The following ZDHHC18 variants were observed in gnomAD, a reference collection of about 807,000 sequenced individuals.
ZDHHC18 encodes zDHHC palmitoyltransferase 18.
In ZDHHC18, 23 loss-of-function variants were observed where a neutral mutation model predicts 37.5. The observed-to-expected ratio is 0.61, with a 90% CI of 0.44 to 0.87. ZDHHC18 has a LOEUF of 0.87. Ranked by LOEUF, ZDHHC18 falls within the 40% of genes least tolerant of loss-of-function variation. The pLI is 0.00. For missense variants in ZDHHC18, 406 were observed against 525.6 expected (o/e 0.77, Z 2.22); for synonymous variants, 185 against 218.7 (o/e 0.85, Z 1.36).
intron 2 of ZDHHC18, among the ~76,000 whole-genome samples, chr1:26,840,582 C>G (rs1205462662): frequency 6.6e-6 from 1 of 151,560 alleles, no homozygotes; most frequent in African/African-American, 2.4e-5. Context: ...GCTGGGATTA[C>G]AGGCATGCGC....
In ZDHHC18 at chr1:26,841,621, C is replaced by T. The variant is rs537902697; in HGVS notation, c.497-6987C>T. Reference sequence around the variant, plus strand: ...AGCTGGGACTCTGGGGCCTGTGGGACAGGATTAGGGGTTTGGTTTGGAGTA... The same window carrying T: ...AGCTGGGACTCTGGGGCCTGTGGGATAGGATTAGGGGTTTGGTTTGGAGTA... On this transcript the variant is annotated intron_variant, in intron 2 of 7. Coordinates refer to ENST00000374142, the MANE Select transcript of ZDHHC18 (RefSeq NM_032283.3). Among the ~76,000 whole-genome samples the T allele has an allele frequency of 7.9e-5, 12 of 152,236 alleles. No individual in the cohort carries two copies. In the South Asian group the frequency reaches 2.5e-3, roughly 32 times the overall value.
intron 2 of ZDHHC18, among the ~76,000 whole-genome samples, chr1:26,833,344 C>T (rs561292208): frequency 5.9e-5 from 9 of 152,146 alleles, no homozygotes; most frequent in South Asian, 2.1e-4. Context: ...AAAGAAGCAC[C>T]GGCCTGAACA....
At position 26,827,136 on chromosome 1, in the gene ZDHHC18, T is replaced by C; in HGVS notation, c.332T>C (p.Phe111Ser). ...ILTTTGLFFV[F>S]DCPYLARKLT... is the part of the protein sequence containing the mutation. ...ACCACCACCGGCCTCTTCTTCGTCT[T>C]TGAGTGAGTTCCGCTGCCTCGGCGC... The change falls in exon 1 of 8, where the codon TTT (phenylalanine) becomes TCT (serine). Residue 111 changes from phenylalanine to serine, a missense_variant. Transcript: ENST00000374142. 7.1e-7 allele frequency: 1 copy of C among 1,410,544 alleles called. No homozygotes were observed. Among genetic ancestry groups the C allele is most frequent in the Non-Finnish European group, 9.2e-7 (1 of 1,086,820 alleles). 87.4% of individuals were successfully genotyped at this position (1,410,544 alleles called of 1,614,324 possible).
chr1:26,842,165 C>T (rs2081642633), intron 2 of ZDHHC18, among the ~76,000 whole-genome samples: 2 of 150,206 alleles, frequency 1.3e-5, no homozygotes, highest in African/African-American at 4.9e-5. Flanking sequence ...GAGAGAGAGA[C>T]AGGGTCCGCC....
Position 26,826,771 on chromosome 1 carries a change from G to A in ZDHHC18, c.-34G>A, listed in dbSNP as rs2081558529. 37 of 963,454 alleles carry A rather than the reference G, an allele frequency of 3.8e-5. No homozygotes were observed. The highest frequency in any genetic ancestry group is 4.4e-5 in the Non-Finnish European group (36 of 812,248). 59.7% of individuals were successfully genotyped at this position (963,454 alleles called of 1,614,324 possible). On this transcript the variant is annotated 5_prime_UTR_variant, in exon 1 of 8. Transcript: ENST00000374142. The surrounding 1 kb of genome is among the most constrained non-coding windows in gnomAD (Gnocchi z 5.2). ...GGTCCCGGAGTGGCCCGGCCGGCCC[G>A]CGGGGCGCGGAGCCGAGGCCCGCGG... is the stretch of plus-strand genomic sequence containing the variant.
chr1:26,837,495 T>TTTA (rs2081618571), intron 2 of ZDHHC18, among the ~76,000 whole-genome samples: 1 of 140,070 alleles, frequency 7.1e-6, no homozygotes, highest in African/African-American at 2.6e-5. Flanking sequence ...TTATTTATTT[T>TTTA]TTGAGACAGA....
chr1:26,849,838 G>A (rs192856265), intron 3 of ZDHHC18, among the ~76,000 whole-genome samples: 279 of 152,326 alleles, frequency 1.8e-3, no homozygotes, highest in African/African-American at 6.1e-3. Context: ...TCTTTGTGCC[G>A]GCACTGCTCT....
At chr1:26,852,334 G>C (rs1199139191) in intron 6 of ZDHHC18, among the ~76,000 whole-genome samples, 1 of 152,240 alleles carries the variant, frequency 6.6e-6, no homozygotes, top group African/African-American at 2.4e-5. Flanking sequence ...TGTCATCTGA[G>C]AATTAGTATT....
chr1:26,848,901 C>A, intron 3 of ZDHHC18, 144 bp downstream of exon 3: 1 of 1,281,416 alleles, frequency 7.8e-7, no homozygotes, highest in Non-Finnish European at 1.1e-6. Flanking sequence ...CCCAGATTTG[C>A]CCTGACTCAG....
intron 2 of ZDHHC18, among the ~76,000 whole-genome samples, chr1:26,843,548 G>C (rs2081648792): frequency 6.7e-6 from 1 of 149,910 alleles, no homozygotes; most frequent in Non-Finnish European, 1.5e-5. Flanking sequence ...CAGCACTTTG[G>C]GAGGCTGAGG....
chr1:26,847,240 C>A (rs560309632), intron 2 of ZDHHC18, among the ~76,000 whole-genome samples: 25 of 152,194 alleles, frequency 1.6e-4, no homozygotes, highest in African/African-American at 5.8e-4. Flanking sequence ...GGGTCTTGCT[C>A]TGTCACCCTG....
At chr1:26,839,140 C>A (rs2081626564) in intron 2 of ZDHHC18, among the ~76,000 whole-genome samples, 1 of 152,254 alleles carries the variant, frequency 6.6e-6, no homozygotes, top group African/African-American at 2.4e-5. Flanking sequence ...TGGGGAAATT[C>A]CTTTGCCCTC....
chr1:26,842,082 C>T (rs1446562140), intron 2 of ZDHHC18, among the ~76,000 whole-genome samples: 3 of 148,804 alleles, frequency 2.0e-5, no homozygotes, highest in African/African-American at 7.5e-5. Context: ...TGCAGTGAGC[C>T]AAGATCGCGC....
Position 26,856,082 on chromosome 1 carries a change from A to G in ZDHHC18, c.*2239A>G, listed in dbSNP as rs1040296714. 2.5e-6 allele frequency: 1 copy of G among 406,600 alleles called. No individual in the cohort carries two copies. Among genetic ancestry groups the G allele is most frequent in the Non-Finnish European group, 5.2e-6 (1 of 190,484 alleles). 25.2% of individuals were successfully genotyped at this position (406,600 alleles called of 1,614,324 possible). A position where few individuals can be genotyped will look rare whatever the true frequency, so the allele number is the denominator to read the frequency against. ...GAAAATGTTTGAGACAGTAGATTCC[A>G]GTTTGAGAGCCGGAGCTTCCCTGGC... On this transcript the variant is annotated 3_prime_UTR_variant, in exon 8 of 8. Coordinates refer to ENST00000374142, the MANE Select transcript of ZDHHC18 (RefSeq NM_032283.3). The surrounding 1 kb of genome is among the most constrained non-coding windows in gnomAD (Gnocchi z 5.2).
At chr1:26,827,895 C>T (rs2081566179) in intron 1 of ZDHHC18, among the ~76,000 whole-genome samples, 1 of 152,050 alleles carries the variant, frequency 6.6e-6, no homozygotes, top group Non-Finnish European at 1.5e-5. Context: ...AGGCCCCTGG[C>T]CCCCCTGCTG....
intron 3 of ZDHHC18, among the ~76,000 whole-genome samples, chr1:26,849,913 C>G (rs1249563340): frequency 6.6e-6 from 1 of 152,146 alleles, no homozygotes; most frequent in Non-Finnish European, 1.5e-5. Flanking sequence ...AGCTTACAGT[C>G]AAGTAGGGCT....
intron 5 of ZDHHC18, 56 bp from the exon 6 acceptor site, chr1:26,851,073 G>T: frequency 3.3e-6 from 5 of 1,507,826 alleles, no homozygotes; most frequent in Non-Finnish European, 4.6e-6. Context: ...AGACAGGCCA[G>T]GTGTGGCTGG....
chr1:26,846,189 TATAC>T (rs1226642756), intron 2 of ZDHHC18, among the ~76,000 whole-genome samples: 23 of 129,144 alleles, frequency 1.8e-4, no homozygotes, highest in East Asian at 4.2e-4. Flanking sequence ...CATATATCTA[TATAC>T]ATACATATAT....
At chr1:26,835,083 G>A (rs2081605669) in intron 2 of ZDHHC18, among the ~76,000 whole-genome samples, 1 of 152,242 alleles carries the variant, frequency 6.6e-6, no homozygotes, top group Admixed American at 6.5e-5. Context: ...AAGCACAGGA[G>A]CTGTGCGGAG....
Sources: gnomAD v4.1 joint callset for allele counts (sites outside exome capture counted in the v4.1 genomes callset) on GRCh38, gnomAD v4.1.1 for gene constraint, Gnocchi (gnomAD v3.1) non-coding constraint, MANE v1.5 for transcripts, NCBI Gene and HGNC (gene_info 2026-07-23, HGNC 2026-07-21) for gene names.